Variants in ZNF407 observed in about 807,000 individuals in gnomAD.
ZNF407 encodes the protein zinc finger protein 407.
ZNF407 carries 17 observed loss-of-function variants against 131.2 expected under a neutral mutation model. The ratio of observed to expected loss-of-function variants is 0.13; its 90% CI spans 0.09 to 0.19. The LOEUF (loss-of-function observed/expected upper bound fraction) is 0.19, where lower values mean the gene tolerates loss of function less well. ZNF407 is among the 10% of genes least tolerant of loss of function. The pLI, the probability that ZNF407 is intolerant of heterozygous loss-of-function variation, is 1.00. For synonymous variants in ZNF407, 1,156 were observed against 1,062.0 expected (o/e 1.09, Z -1.72); for missense variants, 2,681 against 2,830.6 (o/e 0.95, Z 1.20).
intron 4 of ZNF407, among the ~76,000 whole-genome samples, chr18:74,791,175 C>T (rs1350542677): frequency 2.6e-5 from 4 of 152,104 alleles, no homozygotes; most frequent in Admixed American, 6.6e-5. Flanking sequence ...CTGTCATTTC[C>T]GTTAGTCCTT....
chr18:74,650,935 G>GTCTATCTATCTA (rs56006965), intron 3 of ZNF407, among the ~76,000 whole-genome samples: 193 of 151,898 alleles, frequency 1.3e-3, no homozygotes, highest in African/African-American at 4.5e-3. Context: ...GTGTGTGTGT[G>GTCTATCTATCTA]TCTATCTATC....
In ZNF407 at chr18:75,063,992, A is replaced by G. The variant is rs779923348; in HGVS notation, c.6271A>G (p.Thr2091Ala). The G allele has an allele frequency of 3.7e-6, 6 of 1,612,212 alleles. No individual in the cohort carries two copies. In the East Asian group the frequency reaches 1.3e-4, roughly 36 times the overall value. Residue 2091 changes from threonine to alanine, a missense_variant, in exon 9 of 9, where the codon ACG (threonine) becomes GCG (alanine). Transcript: ENST00000299687. The surrounding 1 kb of genome is among the most constrained non-coding windows in gnomAD (Gnocchi z 6.6). Reference protein sequence around the residue: ...QGVLQFAVCDTAAAGQLVKDG... With the variant: ...QGVLQFAVCDAAAAGQLVKDG... ...CGTCCTCCAGTTTGCTGTGTGTGAC[A>G]CGGCCGCGGCCGGCCAGTTGGTCAA...
chr18:74,687,596 T>C (rs1221999372), intron 3 of ZNF407, among the ~76,000 whole-genome samples: 1 of 152,160 alleles, frequency 6.6e-6, no homozygotes, highest in Non-Finnish European at 1.5e-5. Context: ...TTGTGAAAAA[T>C]TGTAGCATTA....
At chr18:74,639,420 T>TAG (rs1984607856) in intron 2 of ZNF407, among the ~76,000 whole-genome samples, 1 of 152,210 alleles carries the variant, frequency 6.6e-6, no homozygotes, top group Non-Finnish European at 1.5e-5. Flanking sequence ...GGTAAATTGG[T>TAG]TCTTCACACA....
chr18:74,653,448 T>A (rs560610271), intron 3 of ZNF407, among the ~76,000 whole-genome samples: 1 of 151,918 alleles, frequency 6.6e-6, no homozygotes, highest in Non-Finnish European at 1.5e-5. Flanking sequence ...CTATGGTTTA[T>A]AAAATTATAA....
chr18:74,729,089 T>G (rs1367941827), intron 3 of ZNF407, among the ~76,000 whole-genome samples: 2 of 152,214 alleles, frequency 1.3e-5, no homozygotes, highest in Non-Finnish European at 2.9e-5. Context: ...TCCAAATTAC[T>G]GGTTCATTAC....
intron 3 of ZNF407, among the ~76,000 whole-genome samples, chr18:74,708,850 G>A (rs1314688970): frequency 1.3e-5 from 2 of 152,220 alleles, no homozygotes; most frequent in Non-Finnish European, 2.9e-5. Context: ...AGGGTGCCCA[G>A]ATGTACACAC....
At chr18:74,789,064 C>G (rs1969775767) in intron 4 of ZNF407, among the ~76,000 whole-genome samples, 2 of 152,072 alleles carry the variant, frequency 1.3e-5, no homozygotes, top group African/African-American at 4.8e-5. Context: ...ATGACACAGC[C>G]TCTGTTCTCA....
intron 3 of ZNF407, among the ~76,000 whole-genome samples, chr18:74,715,989 T>C (rs182694044): frequency 6.6e-6 from 1 of 152,206 alleles, no homozygotes; most frequent in Non-Finnish European, 1.5e-5. Flanking sequence ...TTCCCATCCG[T>C]AAGAAGCCAG....
chr18:74,808,646 A>G (rs534060772), intron 4 of ZNF407, among the ~76,000 whole-genome samples: 1 of 152,332 alleles, frequency 6.6e-6, no homozygotes, highest in East Asian at 1.9e-4. Context: ...ATTATTAGCT[A>G]TATTGCTTAA....
intron 8 of ZNF407, among the ~76,000 whole-genome samples, chr18:74,936,163 AT>A: frequency 6.6e-6 from 1 of 152,332 alleles, no homozygotes; most frequent in East Asian, 1.9e-4. Flanking sequence ...AACATATTAA[AT>A]TTTTAAATAT....
intron 8 of ZNF407, among the ~76,000 whole-genome samples, chr18:74,998,443 T>C (rs75776497): frequency 6.6e-6 from 1 of 152,292 alleles, no homozygotes; most frequent in African/African-American, 2.4e-5. Context: ...TCTCCTCTAA[T>C]CCACTTTTCC....
At chr18:74,737,797 G>T in intron 3 of ZNF407, among the ~76,000 whole-genome samples, 1 of 152,150 alleles carries the variant, frequency 6.6e-6, no homozygotes, top group East Asian at 1.9e-4. Flanking sequence ...AATTCTTGGG[G>T]ATGTGTGGCA....
chr18:74,781,494 A>G lies in ZNF407; in HGVS notation c.4869A>G (p.Pro1623=), dbSNP rs1969601187. ...HLLGKHGVGT[P]KERKFTCHLC... ...TAGGCAAGCATGGAGTTGGCACCCC[A>G]AAAGAAAGGTAATTTTCATTCTTTT... Residue 1623 remains proline (P), a synonymous_variant, in exon 4 of 9, where the codon CCA becomes CCG. Transcript: ENST00000299687. 6.6e-7 allele frequency: 1 copy of G among 1,518,636 alleles called. No individual in the cohort carries two copies. Among genetic ancestry groups the G allele is most frequent in the East Asian group, 2.5e-5 (1 of 40,010 alleles). 94.1% of individuals were successfully genotyped at this position (1,518,636 alleles called of 1,614,324 possible). A position where few individuals can be genotyped will look rare whatever the true frequency, so the allele number is the denominator to read the frequency against.
chr18:74,976,264 G>C (rs1436174587), intron 8 of ZNF407, among the ~76,000 whole-genome samples: 1 of 152,194 alleles, frequency 6.6e-6, no homozygotes, highest in Non-Finnish European at 1.5e-5. Context: ...AGTAGTTTAC[G>C]TGTTCTGTCA....
chr18:74,955,330 G>A (rs2145284548), intron 8 of ZNF407, among the ~76,000 whole-genome samples: 1 of 152,318 alleles, frequency 6.6e-6, no homozygotes, highest in South Asian at 2.1e-4. Flanking sequence ...TTTGGTGCCA[G>A]TAGAGAAGGG....
intron 7 of ZNF407, among the ~76,000 whole-genome samples, chr18:74,900,998 G>A (rs1293001725): frequency 6.6e-6 from 1 of 152,094 alleles, no homozygotes; most frequent in Non-Finnish European, 1.5e-5. Flanking sequence ...GGATCCTGGC[G>A]GTGAAGTTAG....
chr18:74,711,883 G>GT (rs1434770712), intron 3 of ZNF407, among the ~76,000 whole-genome samples: 1 of 151,872 alleles, frequency 6.6e-6, no homozygotes, highest in Non-Finnish European at 1.5e-5. Flanking sequence ...ATTAATTTTT[G>GT]TTTTTTTAGT....
At chr18:74,623,116 G>C (rs1221935594) in intron 1 of ZNF407, among the ~76,000 whole-genome samples, 1 of 144,620 alleles carries the variant, frequency 6.9e-6, no homozygotes, top group Admixed American at 7.0e-5. Flanking sequence ...CTGAGTGCGT[G>C]TCAGTGTGAC....
Sources: gnomAD v4.1 joint callset for allele counts (sites outside exome capture counted in the v4.1 genomes callset) on GRCh38, gnomAD v4.1.1 for gene constraint, Gnocchi (gnomAD v3.1) non-coding constraint, MANE v1.5 for transcripts, NCBI Gene and HGNC (gene_info 2026-07-23, HGNC 2026-07-21) for gene names.